ANKRD44: variants seen among roughly 807,000 people sequenced by gnomAD.
ANKRD44 encodes the protein ankyrin repeat domain 44, also known as serine/threonine-protein phosphatase 6 regulatory ankyrin repeat subunit B.
ANKRD44 carries 35 observed loss-of-function variants against 116.0 expected under a neutral mutation model. The ratio of observed to expected loss-of-function variants is 0.30; its 90% CI spans 0.23 to 0.40. The LOEUF (loss-of-function observed/expected upper bound fraction) is 0.40, where lower values mean the gene tolerates loss of function less well. ANKRD44 is among the 10% of genes least tolerant of loss of function. The probability of loss-of-function intolerance (pLI) is 1.00; values close to 1 mark genes in which losing one functional copy is unlikely to be tolerated. For missense variants in ANKRD44, 1,014 were observed against 1,242.6 expected (o/e 0.82, Z 2.77); for synonymous variants, 435 against 461.8 (o/e 0.94, Z 0.74).
At chr2:197,118,881 C>T (rs183606672) in intron 8 of ANKRD44, among the ~76,000 whole-genome samples, 15 of 151,926 alleles carry the variant, frequency 9.9e-5, no homozygotes, top group South Asian at 2.1e-4. Flanking sequence ...TGATATTTGC[C>T]GTTCTTTAAC....
chr2:197,245,156 A>C (rs2082164393), intron 1 of ANKRD44, among the ~76,000 whole-genome samples: 1 of 152,170 alleles, frequency 6.6e-6, no homozygotes, highest in Non-Finnish European at 1.5e-5. Flanking sequence ...GCTCCTGGGG[A>C]GGCTGAGAGA....
chr2:197,212,166 G>C lies in ANKRD44; in HGVS notation c.28-25060C>G, dbSNP rs1234393894. Among the ~76,000 whole-genome samples the C allele has an allele frequency of 6.6e-6, 1 of 152,102 alleles. No individual in the cohort carries two copies. The highest frequency in any genetic ancestry group is 1.5e-5 in the Non-Finnish European group (1 of 68,026). ...AGGAGGGACTTTCTGGTGGATCAAA[G>C]TATGCTAGAGATCAGGCAGTACTAG... is the stretch of plus-strand genomic sequence containing the variant. On this transcript the variant is annotated intron_variant, in intron 1 of 27. Transcript: ENST00000282272. This position sits in a 1 kb window ranked among gnomAD's most constrained non-coding sequence, Gnocchi z 4.8.
At position 197,107,089 on chromosome 2, in the gene ANKRD44, A is replaced by G. The variant is rs188174600; in HGVS notation, c.985+3677T>C. Among the ~76,000 whole-genome samples the G allele has an allele frequency of 3.7e-3, 559 of 152,348 alleles. 17 individuals carry two copies. Among genetic ancestry groups the G allele is most frequent in the Admixed American group, 0.034 (514 of 15,294 alleles). ...GAGGAAAATAAACATTTGCCAGTTT[A>G]GAAGTATGCAGAGCATGTCAGAAAG... On this transcript the variant is annotated intron_variant, in intron 9 of 27. Transcript: ENST00000282272.
intron 1 of ANKRD44, among the ~76,000 whole-genome samples, chr2:197,195,638 CTAA>C (rs2080931963): frequency 6.6e-6 from 1 of 152,208 alleles, no homozygotes; most frequent in African/African-American, 2.4e-5. Flanking sequence ...CTCCGAAACA[CTAA>C]TGTTTCCAGG....
intron 1 of ANKRD44, among the ~76,000 whole-genome samples, chr2:197,272,128 G>A (rs1306394314): frequency 6.6e-6 from 1 of 152,216 alleles, no homozygotes; most frequent in Non-Finnish European, 1.5e-5. Context: ...GCAACTAGAA[G>A]AGCACCCTTA....
At chr2:197,045,387 A>G (rs1237480801) in intron 16 of ANKRD44, among the ~76,000 whole-genome samples, 1 of 152,152 alleles carries the variant, frequency 6.6e-6, no homozygotes, top group Non-Finnish European at 1.5e-5. Context: ...AGAGACTTAA[A>G]GTCCTCTGCC....
At chr2:197,293,181 A>G (rs1436768707) in intron 1 of ANKRD44, among the ~76,000 whole-genome samples, 1 of 152,228 alleles carries the variant, frequency 6.6e-6, no homozygotes, top group Non-Finnish European at 1.5e-5. Context: ...AGGTAGATAA[A>G]GTAGATAAAA....
At chr2:197,078,558 AAATCAGAATTC>A in intron 16 of ANKRD44, 134 bp downstream of exon 16, 1 of 1,508,772 alleles carries the variant, frequency 6.6e-7, no homozygotes, top group Non-Finnish European at 8.9e-7. Context: ...ACACTTTTTG[AAATCAGAATTC>A]ATGAAATCCT....
chr2:197,156,689 T>A (rs2079824521), intron 2 of ANKRD44, among the ~76,000 whole-genome samples: 1 of 152,182 alleles, frequency 6.6e-6, no homozygotes, highest in Non-Finnish European at 1.5e-5. Context: ...TACCAAAAAC[T>A]AGAAGTAATC....
chr2:197,071,780 A>G (rs2077564166), intron 16 of ANKRD44, among the ~76,000 whole-genome samples: 1 of 152,190 alleles, frequency 6.6e-6, no homozygotes, highest in Admixed American at 6.5e-5. Context: ...AATTGTTGAG[A>G]GAGAGGTGCT....
chr2:197,216,977 C>T (rs546603104), intron 1 of ANKRD44, among the ~76,000 whole-genome samples: 16 of 151,670 alleles, frequency 1.1e-4, no homozygotes, highest in African/African-American at 3.4e-4. Flanking sequence ...CCATCAAAAA[C>T]GAAAAGGCAG....
At chr2:197,198,669 T>A (rs2081020158) in intron 1 of ANKRD44, among the ~76,000 whole-genome samples, 1 of 152,058 alleles carries the variant, frequency 6.6e-6, no homozygotes, top group Admixed American at 6.6e-5. Flanking sequence ...GGCGTGCCCC[T>A]GTAATCCCAG....
chr2:197,125,394 C>T lies in ANKRD44; in HGVS notation c.537G>A (p.Trp179Ter). ...FDKKDRRALH[W>*]AAYMGHLDVV... ...TGGAATCCTTACCCATGTATGCTGC[C>T]CAGTGCAGAGCACGCCGGTCCTTCT... The change falls in exon 6 of 28, where the codon TGG (tryptophan) becomes TGA (stop). Residue 179 changes from tryptophan to a stop codon, truncating the protein, a stop_gained. Coordinates refer to ENST00000282272, the MANE Select transcript of ANKRD44 (RefSeq NM_001195144.2). LOFTEE classifies it high-confidence loss of function. The T allele has an allele frequency of 6.2e-7, 1 of 1,614,144 alleles. No homozygotes were observed. Among genetic ancestry groups the T allele is most frequent in the Non-Finnish European group, 8.5e-7 (1 of 1,179,998 alleles).
In ANKRD44 at chr2:197,147,790, G is replaced by A. The variant is rs2079543397; in HGVS notation, c.112-685C>T. The A allele has an allele frequency of 7.1e-6, 3 of 423,022 alleles. No homozygotes were observed. The East Asian group carries it at 2.2e-4, about 31-fold the overall frequency. 26.2% of individuals were successfully genotyped at this position (423,022 alleles called of 1,614,324 possible). A position where few individuals can be genotyped will look rare whatever the true frequency, so the allele number is the denominator to read the frequency against. On this transcript the variant is annotated intron_variant, in intron 2 of 27. Transcript: ENST00000282272. ...GATTATTTCAGATAAAACACCGTAT[G>A]GGATTAAGTGATTCAGGAGATGGGA...
At chr2:197,277,246 C>T (rs1239235958) in intron 1 of ANKRD44, among the ~76,000 whole-genome samples, 1 of 151,960 alleles carries the variant, frequency 6.6e-6, no homozygotes, top group African/African-American at 2.4e-5. Flanking sequence ...GGTTTGGTAC[C>T]CACAAGTATA....
At position 197,088,728 on chromosome 2, in the gene ANKRD44, A is replaced by G; in HGVS notation, c.1230T>C (p.His410=). The stretch of plus-strand genomic sequence containing the variant: ...CTACTCACCCTCCTGCAGCAGCAGC[A>G]TGAAGGCACGTTCTTCCAAATTTAT... ...TPDKFGRTCL[H]AAAAGGNVEC... Residue 410 remains histidine, a synonymous_variant, in exon 12 of 28, where the codon CAT becomes CAC. Transcript: ENST00000282272. The G allele has an allele frequency of 6.2e-7, 1 of 1,612,190 alleles. No homozygotes were observed. The highest frequency in any genetic ancestry group is 1.1e-5 in the South Asian group (1 of 90,754).
At chr2:197,148,932 TAAAG>T (rs749565414) in intron 2 of ANKRD44, among the ~76,000 whole-genome samples, 4 of 152,200 alleles carry the variant, frequency 2.6e-5, no homozygotes, top group Non-Finnish European at 2.9e-5. Flanking sequence ...TCTTTGAAAA[TAAAG>T]ATTCAGTATT....
intron 1 of ANKRD44, among the ~76,000 whole-genome samples, chr2:197,284,851 A>AC (rs1217745948): frequency 6.6e-6 from 1 of 150,836 alleles, no homozygotes; most frequent in Non-Finnish European, 1.5e-5. Context: ...ACACCACTGT[A>AC]CCCCAGCCTG....
chr2:197,118,971 T>C (rs1026301823), intron 8 of ANKRD44, among the ~76,000 whole-genome samples: 1 of 152,186 alleles, frequency 6.6e-6, no homozygotes, highest in Non-Finnish European at 1.5e-5. Flanking sequence ...ATGTATTTTT[T>C]ATTCTCTCTT....
Sources: allele counts gnomAD v4.1 joint callset (sites outside exome capture counted in the v4.1 genomes callset), GRCh38; gene constraint gnomAD v4.1.1; non-coding constraint Gnocchi (gnomAD v3.1); transcripts MANE v1.5; gene names NCBI Gene and HGNC (gene_info 2026-07-23, HGNC 2026-07-21).